Variants in SNTG1 observed in about 807,000 individuals in gnomAD.
SNTG1 encodes syntrophin gamma 1, also known as gamma-1-syntrophin.
Under a neutral mutation model 74.7 loss-of-function variants are expected in SNTG1, and 39 were observed. The observed-to-expected ratio is 0.52, with a 90% CI of 0.40 to 0.68. SNTG1 has a LOEUF of 0.68. Among genes scored for constraint, SNTG1 ranks in the 30% least tolerant of loss-of-function variants. The probability of loss-of-function intolerance (pLI) is 0.00; values close to 1 mark genes in which losing one functional copy is unlikely to be tolerated. For synonymous variants in SNTG1, 254 were observed against 217.1 expected (o/e 1.17, Z -1.49); for missense variants, 685 against 609.5 (o/e 1.12, Z -1.30).
intron 15 of SNTG1, among the ~76,000 whole-genome samples, chr8:50,672,988 A>G (rs1056515951): frequency 6.6e-6 from 1 of 152,152 alleles, no homozygotes; most frequent in Non-Finnish European, 1.5e-5. Context: ...CGAAGATCAG[A>G]CAGTTATAGA....
chr8:50,492,859 G>C (rs1563470244), intron 8 of SNTG1, among the ~76,000 whole-genome samples: 1 of 152,084 alleles, frequency 6.6e-6, no homozygotes, highest in Non-Finnish European at 1.5e-5. Context: ...AGTTTTTATG[G>C]TTTTATGTAT....
At chr8:50,261,395 G>A (rs559199926) in intron 2 of SNTG1, among the ~76,000 whole-genome samples, 33 of 152,204 alleles carry the variant, frequency 2.2e-4, no homozygotes, top group African/African-American at 7.5e-4. Flanking sequence ...ATCTTACAAT[G>A]AATGTTAGTT....
At position 50,652,172 on chromosome 8, in the gene SNTG1, A is replaced by G. The variant is rs373606793; in HGVS notation, c.850-4737A>G. ...TCTCTCATTTCATTCTATTTAGGAC[A>G]CCACATGTCATTTGAATGGCAAAAC... On this transcript the variant is annotated intron_variant, in intron 13 of 18. Coordinates refer to ENST00000642720, the MANE Select transcript of SNTG1 (RefSeq NM_018967.5). Among the ~76,000 whole-genome samples the G allele has an allele frequency of 3.0e-3, 462 of 152,272 alleles. 3 individuals carry two copies. Among genetic ancestry groups the G allele is most frequent in the African/African-American group, 0.011 (445 of 41,560 alleles).
intron 1 of SNTG1, among the ~76,000 whole-genome samples, chr8:49,947,663 A>G (rs552675788): frequency 6.6e-6 from 1 of 152,200 alleles, no homozygotes; most frequent in East Asian, 1.9e-4. Flanking sequence ...AGACTTTTTA[A>G]TCTCCTTGAG....
At chr8:50,066,620 C>T (rs1403006988) in intron 1 of SNTG1, among the ~76,000 whole-genome samples, 1 of 152,146 alleles carries the variant, frequency 6.6e-6, no homozygotes, top group Non-Finnish European at 1.5e-5. Flanking sequence ...TGAACGCAGA[C>T]ATTGAAGTAA....
chr8:50,745,731 G>T (rs1375821056), intron 17 of SNTG1, among the ~76,000 whole-genome samples: 1 of 151,938 alleles, frequency 6.6e-6, no homozygotes, highest in Non-Finnish European at 1.5e-5. Context: ...GCCATGGATG[G>T]GCCTCGAAAA....
At chr8:50,022,591 A>T (rs1816920648) in intron 1 of SNTG1, among the ~76,000 whole-genome samples, 1 of 152,210 alleles carries the variant, frequency 6.6e-6, no homozygotes, top group Non-Finnish European at 1.5e-5. Flanking sequence ...TAATAAATTA[A>T]ATTGGATGAA....
At chr8:50,468,139 G>A (rs912710441) in intron 8 of SNTG1, among the ~76,000 whole-genome samples, 3 of 151,548 alleles carry the variant, frequency 2.0e-5, no homozygotes, top group Admixed American at 6.6e-5. Flanking sequence ...TTCTATAAAA[G>A]TCTATTATAA....
chr8:50,321,376 G>A (rs1485439976), intron 2 of SNTG1, among the ~76,000 whole-genome samples: 3 of 151,628 alleles, frequency 2.0e-5, no homozygotes, highest in Admixed American at 6.6e-5. Flanking sequence ...GTTTTAATTT[G>A]CATGGAACAT....
At chr8:49,914,800 T>C (rs1006123945) in intron 1 of SNTG1, among the ~76,000 whole-genome samples, 1 of 152,194 alleles carries the variant, frequency 6.6e-6, no homozygotes, top group African/African-American at 2.4e-5. Flanking sequence ...GCTAGCCTGC[T>C]TACTCACCTA....
intron 4 of SNTG1, among the ~76,000 whole-genome samples, chr8:50,404,943 A>T (rs2092852764): frequency 6.6e-6 from 1 of 152,074 alleles, no homozygotes; most frequent in Admixed American, 6.6e-5. Context: ...AATTATCATA[A>T]TGACTTTAAG....
intron 1 of SNTG1, among the ~76,000 whole-genome samples, chr8:50,078,716 C>T (rs1469302374): frequency 2.6e-5 from 4 of 152,082 alleles, no homozygotes; most frequent in Admixed American, 2.6e-4. Flanking sequence ...TTCTCTAGCC[C>T]CCCAACCCTC....
At chr8:50,013,664 G>C (rs1017082809) in intron 1 of SNTG1, among the ~76,000 whole-genome samples, 2 of 151,844 alleles carry the variant, frequency 1.3e-5, no homozygotes, top group Admixed American at 1.3e-4. Context: ...ATAGTGATGT[G>C]GTGATGCATA....
chr8:50,179,934 T>C (rs924399858), intron 2 of SNTG1, among the ~76,000 whole-genome samples: 1 of 152,216 alleles, frequency 6.6e-6, no homozygotes, highest in African/African-American at 2.4e-5. Flanking sequence ...GCTGGTTATA[T>C]ACCCAAAGAA....
intron 9 of SNTG1, among the ~76,000 whole-genome samples, chr8:50,526,913 C>T (rs1285829380): frequency 3.3e-5 from 5 of 152,190 alleles, no homozygotes; most frequent in South Asian, 2.1e-4. Context: ...TGAGGCACCG[C>T]GCCCGGCCCG....
At chr8:49,928,937 A>G (rs767560002) in intron 1 of SNTG1, among the ~76,000 whole-genome samples, 19 of 152,118 alleles carry the variant, frequency 1.2e-4, no homozygotes, top group Admixed American at 2.0e-4. Flanking sequence ...AATTTTAAAT[A>G]AATCTAAAAA....
intron 8 of SNTG1, among the ~76,000 whole-genome samples, chr8:50,454,961 C>A (rs1304073501): frequency 1.3e-5 from 2 of 151,484 alleles, no homozygotes; most frequent in Non-Finnish European, 2.9e-5. Context: ...ATCGCTGTAA[C>A]CTTATTGGTA....
chr8:50,437,308 AC>A (rs2093314569), intron 4 of SNTG1, among the ~76,000 whole-genome samples: 1 of 152,178 alleles, frequency 6.6e-6, no homozygotes, highest in Non-Finnish European at 1.5e-5. Context: ...ATAATAGTAT[AC>A]CTCAAATTCT....
chr8:50,509,749 G>A (rs538110406), intron 9 of SNTG1, among the ~76,000 whole-genome samples: 1 of 152,006 alleles, frequency 6.6e-6, no homozygotes, highest in East Asian at 1.9e-4. Context: ...AGGCTTGTGA[G>A]TTTTGCACAT....
Sources: allele counts gnomAD v4.1 joint callset (sites outside exome capture counted in the v4.1 genomes callset), GRCh38; gene constraint gnomAD v4.1.1; transcripts MANE v1.5; gene names NCBI Gene and HGNC (gene_info 2026-07-23, HGNC 2026-07-21).